IQSEC3: variants seen among roughly 807,000 people sequenced by gnomAD.
The protein encoded by IQSEC3 is IQ motif and Sec7 domain ArfGEF 3.
In IQSEC3, 50 loss-of-function variants were observed where a neutral mutation model predicts 105.4. That is an observed-to-expected ratio of 0.47 (90% CI 0.38 to 0.60). The LOEUF (loss-of-function observed/expected upper bound fraction) is 0.60, where lower values mean the gene tolerates loss of function less well. Ranked by LOEUF, IQSEC3 falls within the 20% of genes least tolerant of loss-of-function variation. IQSEC3 has a pLI of 0.00. For synonymous variants in IQSEC3, 708 were observed against 746.0 expected (o/e 0.95, Z 0.83); for missense variants, 1,415 against 1,630.0 (o/e 0.87, Z 2.27).
chr12:78,860 T>C (rs1296571658), intron 1 of IQSEC3, among the ~76,000 whole-genome samples: 2 of 152,030 alleles, frequency 1.3e-5, no homozygotes. Context: ...TGCTGTCACT[T>C]TGGGACCCTT....
chr12:161,825 G>A (rs997902238), intron 7 of IQSEC3, 101 bp from the exon 8 acceptor site: 80 of 1,235,980 alleles, frequency 6.5e-5, no homozygotes, highest in African/African-American at 5.0e-4. Context: ...GCCACCCCCC[G>A]GGAGCTCCAG....
At chr12:169,960 C>T (rs1217280767) in intron 12 of IQSEC3, among the ~76,000 whole-genome samples, 4 of 152,226 alleles carry the variant, frequency 2.6e-5, no homozygotes, top group Non-Finnish European at 5.9e-5. Context: ...GAGACGCCAG[C>T]TTGAGCTGAG....
chr12:100,115 A>G (rs1864375491), intron 2 of IQSEC3, among the ~76,000 whole-genome samples: 1 of 151,978 alleles, frequency 6.6e-6, no homozygotes, highest in South Asian at 2.1e-4. Context: ...TGGGCAAGTT[A>G]CTCCACTGCC....
At chr12:150,159 G>A (rs1866448164) in intron 5 of IQSEC3, among the ~76,000 whole-genome samples, 1 of 152,170 alleles carries the variant, frequency 6.6e-6, no homozygotes, top group Non-Finnish European at 1.5e-5. Context: ...GCAGGGCCAT[G>A]GCCCACGTGG....
At chr12:130,224 C>T (rs753694725) in intron 3 of IQSEC3, among the ~76,000 whole-genome samples, 10 of 152,222 alleles carry the variant, frequency 6.6e-5, no homozygotes, top group Non-Finnish European at 1.2e-4. Flanking sequence ...TGGGCAGACA[C>T]GGGGCCAGCA....
At chr12:96,738 T>C (rs1224618311) in intron 1 of IQSEC3, among the ~76,000 whole-genome samples, 1 of 152,214 alleles carries the variant, frequency 6.6e-6, no homozygotes, top group Admixed American at 6.5e-5. Context: ...CAGCTGTGCC[T>C]GAATTCCTAA....
intron 1 of IQSEC3, among the ~76,000 whole-genome samples, chr12:97,579 C>A (rs2136914229): frequency 6.6e-6 from 1 of 152,266 alleles, no homozygotes; most frequent in South Asian, 2.1e-4. Context: ...CTTTAGGAGG[C>A]CAAGACGGGA....
chr12:139,067 C>G lies in IQSEC3; in HGVS notation c.1704C>G (p.Ala568=). ...AASGAADGAT[A]PKTEEEEEEE... is the part of the protein sequence containing the mutation. ...GTGGGGCGGCGGATGGGGCCACAGC[C>G]CCCAAAACAGAGGAGGAAGAGGAGG... The change falls in exon 4 of 14, where the codon GCC becomes GCG. Residue 568 remains alanine, a synonymous_variant. Transcript: ENST00000538872. 6.7e-7 allele frequency: 1 copy of G among 1,492,946 alleles called. No homozygotes were observed. Among genetic ancestry groups the G allele is most frequent in the Non-Finnish European group, 8.9e-7 (1 of 1,120,342 alleles). The allele number at this position is 1,492,946 out of a possible 1,614,324, so 92.5% of individuals were successfully genotyped here.
At chr12:77,293 G>A (rs1863570348) in intron 1 of IQSEC3, 2 of 152,348 alleles carry the variant, frequency 1.3e-5, no homozygotes, top group African/African-American at 4.8e-5. Context: ...TTTTCAAGCA[G>A]CTGGACTCTG....
chr12:141,240 A>G lies in IQSEC3; in HGVS notation c.2108A>G (p.Glu703Gly), dbSNP rs1866012001. 1 of 1,613,776 alleles carries G rather than the reference A, an allele frequency of 6.2e-7. No homozygotes were observed. Among genetic ancestry groups the G allele is most frequent in the African/African-American group, 1.3e-5 (1 of 74,818 alleles). ...RKGLSRQMIG[E>G]FLGNSKKQFN... ...GGCCTCAGCCGCCAGATGATTGGAGAGTTCCTGGGCAACAGCAAGAAGCAG... is the reference window on the plus strand; with the variant it reads ...GGCCTCAGCCGCCAGATGATTGGAGGGTTCCTGGGCAACAGCAAGAAGCAG... The change falls in exon 5 of 14, where the codon GAG becomes GGG. Residue 703 changes from glutamate (E) to glycine (G), a missense_variant. Physicochemically the swap from Glu to Gly is moderately conservative, Grantham distance 98 (BLOSUM62 -2). Around this residue, in one of 6 missense-constraint regions of IQSEC3, gnomAD observed 213 missense variants for 306.2 expected, o/e 0.70. Transcript: ENST00000538872.
Position 119,777 on chromosome 12 carries a change from G to C in IQSEC3, c.624-5856G>C, listed in dbSNP as rs1018129093. ...CCTTTACATCCCCACTGAAATTGGT[G>C]CCTGCGTGTGGACAGCCCTTGGAAG... On this transcript the variant is annotated intron_variant, in intron 2 of 13. Coordinates refer to ENST00000538872, the MANE Select transcript of IQSEC3 (RefSeq NM_001170738.2). Among the ~76,000 whole-genome samples, 5 of 152,168 alleles carry C rather than the reference G, an allele frequency of 3.3e-5. No homozygotes were observed. In the East Asian group the frequency reaches 9.6e-4, roughly 29 times the overall value.
chr12:92,625 C>T (rs1485845836), intron 1 of IQSEC3, among the ~76,000 whole-genome samples: 4 of 152,228 alleles, frequency 2.6e-5, no homozygotes, highest in Non-Finnish European at 4.4e-5. Flanking sequence ...AGCCGAGATC[C>T]GGGTCCCGGG....
At chr12:111,516 T>G (rs1310566748) in intron 2 of IQSEC3, 1 of 152,178 alleles carries the variant, frequency 6.6e-6, no homozygotes, top group African/African-American at 2.4e-5. Flanking sequence ...TGTCTGAGCT[T>G]TTCCCTGTGT....
chr12:172,484 C>T (rs1939059461), intron 13 of IQSEC3, among the ~76,000 whole-genome samples: 1 of 152,220 alleles, frequency 6.6e-6, no homozygotes, highest in South Asian at 2.1e-4. Flanking sequence ...GCACTCCTCC[C>T]TCCTGCCCTA....
intron 2 of IQSEC3, among the ~76,000 whole-genome samples, chr12:122,644 A>G (rs1027321013): frequency 3.3e-5 from 5 of 152,192 alleles, no homozygotes; most frequent in Admixed American, 6.5e-5. Flanking sequence ...CTGGGGCTCG[A>G]TCCCACTGGG....
intron 3 of IQSEC3, among the ~76,000 whole-genome samples, chr12:126,740 G>A (rs1555083654): frequency 6.6e-6 from 1 of 152,170 alleles, no homozygotes; most frequent in African/African-American, 2.4e-5. Context: ...AAAAAAATGA[G>A]AATTAACTTT....
At chr12:75,260 G>A (rs1863472607) in intron 1 of IQSEC3, among the ~76,000 whole-genome samples, 1 of 152,266 alleles carries the variant, frequency 6.6e-6, no homozygotes, top group East Asian at 1.9e-4. Context: ...AAAGGCCAGG[G>A]AAGGAGGCTG....
Position 78,516 on chromosome 12 carries a change from A to T in IQSEC3, c.554+11080A>T, listed in dbSNP as rs530437217. Reference sequence around the variant, plus strand: ...CCAAGACACCTCAGCAAAAAAAAAAAATAAATTTAAAACTCCCAGCCTTAT... The same window carrying T: ...CCAAGACACCTCAGCAAAAAAAAAATATAAATTTAAAACTCCCAGCCTTAT... On this transcript the variant is annotated intron_variant, in intron 1 of 13. Coordinates refer to ENST00000538872, the MANE Select transcript of IQSEC3 (RefSeq NM_001170738.2). Among the ~76,000 whole-genome samples, 121 of 150,042 alleles carry T rather than the reference A, an allele frequency of 8.1e-4. 3 individuals carry two copies. The highest frequency in any genetic ancestry group is 5.5e-3 in the South Asian group (26 of 4,744).
In IQSEC3 at chr12:138,953, C is replaced by T. The variant is rs548532490; in HGVS notation, c.1590C>T (p.Gly530=). 7 of 1,571,462 alleles carry T rather than the reference C, an allele frequency of 4.5e-6. No homozygotes were observed. In the South Asian group the frequency reaches 4.6e-5, roughly 10 times the overall value. ...CCGCGGCGGGCAAGGCCGAGCAGGG[C>T]GAGACCTCTGGGCGGGAGGCCCCGG... ...AEPAAGKAEQ[G]ETSGREAPEA... The change falls in exon 4 of 14, where the codon GGC becomes GGT. Residue 530 remains glycine (G), a synonymous_variant. Transcript: ENST00000538872. This position sits in a 1 kb window ranked among gnomAD's most constrained non-coding sequence, Gnocchi z 7.1.
Sources: allele counts gnomAD v4.1 joint callset (sites outside exome capture counted in the v4.1 genomes callset), GRCh38; gene constraint gnomAD v4.1.1; regional missense constraint gnomAD v4.1.1; non-coding constraint Gnocchi (gnomAD v3.1); transcripts MANE v1.5; gene names NCBI Gene and HGNC (gene_info 2026-07-23, HGNC 2026-07-21).